ANKRD27: variants seen among roughly 807,000 people sequenced by gnomAD.
The protein encoded by ANKRD27 is ankyrin repeat domain 27.
A neutral mutation model predicts 129.7 loss-of-function variants in ANKRD27; 112 were observed. The ratio of observed to expected loss-of-function variants is 0.86; its 90% CI spans 0.74 to 1.01. The LOEUF is 1.01. Among genes scored for constraint, ANKRD27 ranks in the 50% least tolerant of loss-of-function variants. The pLI is 0.00. For synonymous variants in ANKRD27, 516 were observed against 511.2 expected, an observed-to-expected ratio of 1.01 and a Z score of -0.13; for missense variants, 1,258 against 1,300.5, an observed-to-expected ratio of 0.97 and a Z score of 0.50.
At chr19:32,665,937 G>T (rs978091959) in intron 1 of ANKRD27, among the ~76,000 whole-genome samples, 1 of 151,236 alleles carries the variant, frequency 6.6e-6, no homozygotes, top group Admixed American at 6.6e-5. Context: ...AACTTTTTGT[G>T]TGTATTTTTT....
intron 22 of ANKRD27, 116 bp from the exon 23 acceptor site, chr19:32,607,948 G>T: frequency 9.5e-7 from 1 of 1,053,298 alleles, no homozygotes; most frequent in African/African-American, 1.6e-5. Flanking sequence ...ATCATGGCGG[G>T]ATCCAGGATG....
At chr19:32,601,966 G>T in intron 26 of ANKRD27, 49 bp downstream of exon 26, 1 of 1,182,006 alleles carries the variant, frequency 8.5e-7, no homozygotes, top group Non-Finnish European at 1.3e-6. Context: ...ACTCATGAAT[G>T]TCTAAATATA....
intron 12 of ANKRD27, among the ~76,000 whole-genome samples, chr19:32,634,883 C>T (rs1250451081): frequency 6.6e-6 from 1 of 152,072 alleles, no homozygotes; most frequent in Non-Finnish European, 1.5e-5. Flanking sequence ...CCACTGCACT[C>T]CCGTCTGGGT....
intron 1 of ANKRD27, among the ~76,000 whole-genome samples, chr19:32,666,831 G>A (rs2145327038): frequency 6.6e-6 from 1 of 151,942 alleles, no homozygotes; most frequent in Non-Finnish European, 1.5e-5. Flanking sequence ...ATTTTTAGTA[G>A]AGACGGGGTT....
chr19:32,608,406 G>T, intron 22 of ANKRD27: 2 of 358,204 alleles, frequency 5.6e-6, no homozygotes, highest in South Asian at 2.2e-5. Flanking sequence ...AGATTCACTT[G>T]CTGTTTGCAC....
At chr19:32,649,598 A>C (rs1039081128) in intron 3 of ANKRD27, 84 bp downstream of exon 3, 5 of 937,642 alleles carry the variant, frequency 5.3e-6, no homozygotes, top group Non-Finnish European at 8.7e-6. Flanking sequence ...TAGCTGTGAA[A>C]GGCTGAGAAC....
At chr19:32,651,953 G>A (rs1485337102) in intron 2 of ANKRD27, among the ~76,000 whole-genome samples, 1 of 152,156 alleles carries the variant, frequency 6.6e-6, no homozygotes, top group Non-Finnish European at 1.5e-5. Flanking sequence ...AAAGAGAGAG[G>A]CCCCTGCTGC....
At chr19:32,646,073 A>G (rs1004255168) in intron 4 of ANKRD27, among the ~76,000 whole-genome samples, 1 of 152,016 alleles carries the variant, frequency 6.6e-6, no homozygotes, top group Non-Finnish European at 1.5e-5. Flanking sequence ...CTGGGATTAC[A>G]GGTGCATGCC....
At chr19:32,670,480 C>G (rs1359308651) in intron 1 of ANKRD27, among the ~76,000 whole-genome samples, 3 of 151,722 alleles carry the variant, frequency 2.0e-5, no homozygotes, top group African/African-American at 7.3e-5. Flanking sequence ...TTGAGACCAG[C>G]CTGGCCAACA....
At chr19:32,662,338 G>C (rs1298683214) in intron 1 of ANKRD27, among the ~76,000 whole-genome samples, 1 of 137,076 alleles carries the variant, frequency 7.3e-6, no homozygotes, top group Non-Finnish European at 1.6e-5. Flanking sequence ...AAAAAAAAAG[G>C]AAGTAGACTC....
intron 13 of ANKRD27, 28 bp downstream of exon 13, chr19:32,631,374 T>C (rs1385913334): frequency 1.3e-6 from 2 of 1,595,740 alleles, no homozygotes; most frequent in East Asian, 2.2e-5. Flanking sequence ...CACCCACATT[T>C]ACCCACAGAG....
At chr19:32,657,147 G>A (rs182563963) in intron 2 of ANKRD27, among the ~76,000 whole-genome samples, 21 of 152,110 alleles carry the variant, frequency 1.4e-4, no homozygotes, top group African/African-American at 4.1e-4. Flanking sequence ...GGACAACACG[G>A]TGAAACCCTG....
intron 12 of ANKRD27, among the ~76,000 whole-genome samples, chr19:32,635,873 T>C (rs7248745): frequency 0.11 from 16,474 of 152,210 alleles, 2,736 homozygotes; most frequent in African/African-American, 0.36. Context: ...CATTCCTTGT[T>C]ACCGCCAAGT....
intron 28 of ANKRD27, 72 bp from the exon 29 acceptor site, chr19:32,598,450 C>T: frequency 6.9e-7 from 1 of 1,443,850 alleles, no homozygotes; most frequent in South Asian, 1.2e-5. Context: ...ACAGTGACAG[C>T]TGCCCCTTAG....
At chr19:32,662,084 A>G (rs259259) in intron 1 of ANKRD27, among the ~76,000 whole-genome samples, 121,572 of 151,794 alleles carry the variant, frequency 0.8, 49,167 homozygotes, top group African/African-American at 0.91. Flanking sequence ...AGGCCGAGGC[A>G]GGCAGAACAC....
At chr19:32,645,981 G>A (rs921567328) in intron 4 of ANKRD27, among the ~76,000 whole-genome samples, 2 of 151,648 alleles carry the variant, frequency 1.3e-5, no homozygotes, top group South Asian at 2.1e-4. Flanking sequence ...ACCCAGGATC[G>A]AGTACAGAGG....
chr19:32,608,027 G>T (rs1362968296), intron 22 of ANKRD27, among the ~76,000 whole-genome samples, 195 bp from the exon 23 acceptor site: 2 of 151,466 alleles, frequency 1.3e-5, no homozygotes, highest in Non-Finnish European at 2.9e-5. Context: ...TTGAGACAGG[G>T]TCTCACTCTG....
intron 4 of ANKRD27, among the ~76,000 whole-genome samples, chr19:32,645,123 T>A (rs1304547470): frequency 6.6e-6 from 1 of 152,144 alleles, no homozygotes; most frequent in African/African-American, 2.4e-5. Context: ...TTTAAAAAAA[T>A]AATTTATTGG....
intron 26 of ANKRD27, among the ~76,000 whole-genome samples, chr19:32,600,679 T>C (rs1396619625): frequency 1.3e-5 from 2 of 152,080 alleles, no homozygotes; most frequent in African/African-American, 2.4e-5. Context: ...GTCCCAAGCA[T>C]TTGAGATAGG....
Sources: allele counts gnomAD v4.1 joint callset (sites outside exome capture counted in the v4.1 genomes callset), GRCh38; gene constraint gnomAD v4.1.1; transcripts MANE v1.5; gene names NCBI Gene and HGNC (gene_info 2026-07-23, HGNC 2026-07-21).